CEP162: variants seen among roughly 807,000 people sequenced by gnomAD.
CEP162 encodes the protein centrosomal protein 162.
CEP162 carries 141 observed loss-of-function variants against 169.2 expected under a neutral mutation model. The ratio of observed to expected loss-of-function variants is 0.83; its 90% confidence interval spans 0.73 to 0.96. CEP162 has a LOEUF of 0.96. Ranked by LOEUF, CEP162 falls within the 40% of genes least tolerant of loss-of-function variation. The pLI is 0.00. For missense variants in CEP162, 1,600 were observed against 1,587.2 expected (o/e 1.01, Z -0.14); for synonymous variants, 540 against 526.4 (o/e 1.03, Z -0.35).
chr6:84,220,669 A>G (rs772693640), intron 3 of CEP162, among the ~76,000 whole-genome samples: 2 of 152,162 alleles, frequency 1.3e-5, no homozygotes, highest in Non-Finnish European at 2.9e-5. Flanking sequence ...TACTACTGTC[A>G]TTAACAAACT....
At chr6:84,168,419 T>G (rs1273662069) in intron 18 of CEP162, among the ~76,000 whole-genome samples, 1 of 152,200 alleles carries the variant, frequency 6.6e-6, no homozygotes, top group African/African-American at 2.4e-5. Context: ...ATGTTTCTAT[T>G]TCTTTGTAAC....
chr6:84,125,676 A>G (rs561777970), intron 26 of CEP162, among the ~76,000 whole-genome samples: 5 of 152,086 alleles, frequency 3.3e-5, no homozygotes, highest in Non-Finnish European at 7.4e-5. Context: ...CTCTGCACAC[A>G]TGGTACTGAG....
chr6:84,215,731 A>T, intron 4 of CEP162, 45 bp downstream of exon 4: 1 of 1,537,370 alleles, frequency 6.5e-7, no homozygotes, highest in Admixed American at 2.1e-5. Flanking sequence ...GAATATAAGC[A>T]TAACAATTAA....
intron 25 of CEP162, among the ~76,000 whole-genome samples, chr6:84,139,623 G>GT (rs2099515674): frequency 1.3e-5 from 2 of 152,128 alleles, no homozygotes; most frequent in Admixed American, 1.3e-4. Context: ...CTGGTAAAAG[G>GT]TAAGAATTCT....
chr6:84,200,506 G>C (rs1453918369), intron 9 of CEP162, among the ~76,000 whole-genome samples: 4 of 152,128 alleles, frequency 2.6e-5, no homozygotes, highest in Admixed American at 2.6e-4. Context: ...GAGAGGCATA[G>C]AAAATTAGTT....
rs758060673 is a variant in CEP162, at chr6:84,169,364, A to G, written c.2349T>C (p.Asn783=). 1 of 1,583,642 alleles carries G rather than the reference A, an allele frequency of 6.3e-7. No individual in the cohort carries two copies. Among genetic ancestry groups the G allele is most frequent in the Non-Finnish European group, 8.6e-7 (1 of 1,163,740 alleles). ...GTAGTTCTGCTAACAGATCTGTAAAATTCTGATTTCTTGTGGGCTCTGAAT... is the reference window on the plus strand; with the variant it reads ...GTAGTTCTGCTAACAGATCTGTAAAGTTCTGATTTCTTGTGGGCTCTGAAT... ...VEDSEPTRNQ[N]FTDLLAELRM... The change falls in exon 18 of 27, where the codon AAT becomes AAC. Residue 783 remains asparagine (N), a synonymous_variant. Coordinates refer to ENST00000403245, the MANE Select transcript of CEP162 (RefSeq NM_014895.4).
intron 25 of CEP162, among the ~76,000 whole-genome samples, chr6:84,142,920 A>G (rs2099517275): frequency 2.0e-5 from 3 of 152,100 alleles, no homozygotes; most frequent in Admixed American, 2.0e-4. Flanking sequence ...TAAGATGATG[A>G]CTAGATGTTT....
chr6:84,151,093 G>A (rs17789596), intron 23 of CEP162, among the ~76,000 whole-genome samples: 6,442 of 152,178 alleles, frequency 0.042, 198 homozygotes, highest in Admixed American at 0.086. Context: ...TGAGGAAAAG[G>A]CATGAGGAAA....
intron 25 of CEP162, among the ~76,000 whole-genome samples, chr6:84,127,095 T>G (rs960077307): frequency 6.6e-6 from 1 of 152,118 alleles, no homozygotes; most frequent in Admixed American, 6.6e-5. Flanking sequence ...ATCCAGAGAT[T>G]AAAGACACAG....
At chr6:84,141,999 C>T (rs1279564229) in intron 25 of CEP162, among the ~76,000 whole-genome samples, 1 of 152,172 alleles carries the variant, frequency 6.6e-6, no homozygotes, top group African/African-American at 2.4e-5. Context: ...GTGAATCTCA[C>T]CATGTCTTTG....
chr6:84,146,648 A>C (rs2099519010), intron 25 of CEP162, 39 bp downstream of exon 25: 2 of 958,134 alleles, frequency 2.1e-6, no homozygotes, highest in Non-Finnish European at 3.1e-6. Context: ...AATGCCTAAG[A>C]AAAACTTATT....
chr6:84,221,858 C>A (rs1453862320), intron 2 of CEP162, among the ~76,000 whole-genome samples: 1 of 152,020 alleles, frequency 6.6e-6, no homozygotes, highest in African/African-American at 2.4e-5. Flanking sequence ...CAATTCTTTC[C>A]TCCACTCCAA....
intron 9 of CEP162, among the ~76,000 whole-genome samples, chr6:84,197,514 C>A (rs1482081812): frequency 6.6e-6 from 1 of 151,892 alleles, no homozygotes; most frequent in Non-Finnish European, 1.5e-5. Flanking sequence ...CCATATTTTT[C>A]AACTTTAGAA....
At chr6:84,128,115 GCAGAGAGGTAGGTGTTTA>G (rs2099509685) in intron 25 of CEP162, among the ~76,000 whole-genome samples, 1 of 152,190 alleles carries the variant, frequency 6.6e-6, no homozygotes, top group African/African-American at 2.4e-5. Context: ...GCTGCCCATG[GCAGAGAGGTAGGTGTTTA>G]ACAATTATTC....
intron 18 of CEP162, among the ~76,000 whole-genome samples, chr6:84,167,829 C>T (rs908089673): frequency 2.6e-5 from 4 of 152,124 alleles, no homozygotes; most frequent in Non-Finnish European, 4.4e-5. Flanking sequence ...GACAGAAAAG[C>T]TTCCTTGACA....
intron 19 of CEP162, among the ~76,000 whole-genome samples, chr6:84,162,565 T>C (rs2099526226): frequency 6.6e-6 from 1 of 152,192 alleles, no homozygotes; most frequent in Admixed American, 6.6e-5. Context: ...AACATACTTC[T>C]GCAGCCTCTC....
Position 84,126,257 on chromosome 6 carries a change from G to T in CEP162, c.4005+121C>A, listed in dbSNP as rs1414825925. ...TATAAATTTATTAAATTTTTAACAAGATCAAAATACACTGGAAACACTTTA... is the reference window on the plus strand; with the variant it reads ...TATAAATTTATTAAATTTTTAACAATATCAAAATACACTGGAAACACTTTA... On this transcript the variant is annotated intron_variant, in intron 26 of 26. Coordinates refer to ENST00000403245, the MANE Select transcript of CEP162 (RefSeq NM_014895.4). 15 of 602,616 alleles carry T rather than the reference G, an allele frequency of 2.5e-5. No homozygotes were observed. The Middle Eastern group carries it at 1.4e-3, about 58-fold the overall frequency. 37.3% of individuals were successfully genotyped at this position (602,616 alleles called of 1,614,324 possible). A position where few individuals can be genotyped will look rare whatever the true frequency, so the allele number is the denominator to read the frequency against.
intron 18 of CEP162, among the ~76,000 whole-genome samples, chr6:84,166,213 G>C (rs9449820): frequency 0.061 from 9,235 of 152,214 alleles, 912 homozygotes; most frequent in African/African-American, 0.21. Flanking sequence ...CAGACATTCA[G>C]AGAGGCCTCT....
chr6:84,190,258 G>A (rs1036542138), intron 11 of CEP162, among the ~76,000 whole-genome samples: 2 of 152,126 alleles, frequency 1.3e-5, no homozygotes, highest in Non-Finnish European at 2.9e-5. Flanking sequence ...ATGGGGACGT[G>A]GAGAACCTTT....
Sources: allele counts gnomAD v4.1 joint callset (sites outside exome capture counted in the v4.1 genomes callset), GRCh38; gene constraint gnomAD v4.1.1; transcripts MANE v1.5; gene names NCBI Gene and HGNC (gene_info 2026-07-23, HGNC 2026-07-21).